The following EYA2 variants were observed in gnomAD, a reference collection of about 807,000 sequenced individuals.
The protein encoded by EYA2 is EYA transcriptional coactivator and phosphatase 2.
In EYA2, 31 loss-of-function variants were observed where a neutral mutation model predicts 69.2. The observed-to-expected ratio is 0.45, with a 90% CI of 0.34 to 0.60. The LOEUF is 0.60. EYA2 is among the 20% of genes least tolerant of loss of function. The probability of loss-of-function intolerance (pLI) is 0.02; values close to 1 mark genes in which losing one functional copy is unlikely to be tolerated. For synonymous variants in EYA2, 257 were observed against 279.4 expected, an observed-to-expected ratio of 0.92 and a Z score of 0.80; for missense variants, 622 against 701.2, an observed-to-expected ratio of 0.89 and a Z score of 1.28.
chr20:46,949,276 T>C (rs1235053378), intron 1 of EYA2, among the ~76,000 whole-genome samples: 1 of 152,246 alleles, frequency 6.6e-6, no homozygotes, highest in Non-Finnish European at 1.5e-5. Flanking sequence ...AAAACATACA[T>C]GAGCCGGTTC....
chr20:47,028,583 A>G (rs1413716012), intron 5 of EYA2, among the ~76,000 whole-genome samples: 2 of 152,250 alleles, frequency 1.3e-5, no homozygotes, highest in Non-Finnish European at 2.9e-5. Flanking sequence ...CCAGGTGCTG[A>G]GAAAGCAGAG....
intron 5 of EYA2, among the ~76,000 whole-genome samples, chr20:47,047,678 C>T (rs1006967429): frequency 9.9e-5 from 15 of 152,152 alleles, no homozygotes; most frequent in Non-Finnish European, 1.8e-4. Context: ...TGAGCCACCG[C>T]GCCCAGCCTG....
chr20:46,967,816 A>G (rs1270165520), intron 1 of EYA2, among the ~76,000 whole-genome samples: 3 of 152,172 alleles, frequency 2.0e-5, no homozygotes, highest in Non-Finnish European at 4.4e-5. Flanking sequence ...TTGCAGTTAC[A>G]TCACAGATCG....
chr20:47,137,168 G>T (rs2033496730), intron 9 of EYA2, among the ~76,000 whole-genome samples: 1 of 151,972 alleles, frequency 6.6e-6, no homozygotes, highest in Non-Finnish European at 1.5e-5. Flanking sequence ...TTATGCTGTT[G>T]CTTGTTTAGG....
intron 1 of EYA2, among the ~76,000 whole-genome samples, chr20:46,900,351 C>A (rs1984034820): frequency 6.6e-6 from 1 of 152,158 alleles, no homozygotes; most frequent in South Asian, 2.1e-4. Context: ...CTATTCATCT[C>A]CCAAGAATGG....
chr20:47,007,441 C>T (rs577921016), intron 4 of EYA2, among the ~76,000 whole-genome samples: 1 of 152,196 alleles, frequency 6.6e-6, no homozygotes, highest in South Asian at 2.1e-4. Flanking sequence ...CTTGGCAATT[C>T]TGAGAAGACT....
At chr20:46,996,217 T>C (rs1204405493) in intron 2 of EYA2, among the ~76,000 whole-genome samples, 3 of 152,254 alleles carry the variant, frequency 2.0e-5, no homozygotes, top group Non-Finnish European at 2.9e-5. Context: ...GCACTCAGTA[T>C]GCACAGACTG....
At chr20:47,085,733 GAAA>G (rs780023980) in intron 7 of EYA2, among the ~76,000 whole-genome samples, 5 of 151,968 alleles carry the variant, frequency 3.3e-5, no homozygotes, top group African/African-American at 4.8e-5. Context: ...AAACAAGCCA[GAAA>G]AAAGAATACA....
At position 46,960,717 on chromosome 20, in the gene EYA2, A is replaced by G. The variant is rs150640650; in HGVS notation, c.-10-29284A>G. 1.7e-3 allele frequency among the ~76,000 whole-genome samples: 264 copies of G among 152,316 alleles called. 2 individuals carry two copies. The highest frequency in any genetic ancestry group is 3.2e-3 in the Non-Finnish European group (215 of 68,030). ...TATATGCAGCTGCTTTCACAGTTCA[A>G]TCGCAAAGTTCGGTAGTTCAGCAGA... is the stretch of plus-strand genomic sequence containing the variant. On this transcript the variant is annotated intron_variant, in intron 1 of 15. Transcript: ENST00000327619.
intron 9 of EYA2, among the ~76,000 whole-genome samples, chr20:47,133,720 C>G (rs2033395510): frequency 6.6e-6 from 1 of 152,148 alleles, no homozygotes; most frequent in Non-Finnish European, 1.5e-5. Context: ...GAGTCCTCTC[C>G]CAGGGGAGCA....
chr20:47,064,727 G>T (rs914307870), intron 5 of EYA2, among the ~76,000 whole-genome samples: 3 of 152,178 alleles, frequency 2.0e-5, no homozygotes, highest in Non-Finnish European at 2.9e-5. Flanking sequence ...AGACACTCGT[G>T]TTGGGTCATG....
At position 47,001,442 on chromosome 20, in the gene EYA2, G is replaced by C. The variant is rs145832732; in HGVS notation, c.124G>C (p.Ala42Pro). 6.2e-7 allele frequency: 1 copy of C among 1,613,992 alleles called. No individual in the cohort carries two copies. Among genetic ancestry groups the C allele is most frequent in the Middle Eastern group, 1.6e-4 (1 of 6,062 alleles). ...TTCTCCTGCAGGCATCACCAAATCG[G>C]CCCCCCTGAGAGTGTCCCAGCTCTT... ...LSDRQGITKS[A>P]PLRVSQLFSR... is the part of the protein sequence containing the mutation. Residue 42 changes from alanine (A) to proline (P), a missense_variant, in exon 3 of 16, where the codon GCC (alanine) becomes CCC (proline). By Grantham distance (27) the Ala-to-Pro change is conservative. Transcript: ENST00000327619.
intron 3 of EYA2, among the ~76,000 whole-genome samples, chr20:47,003,538 G>A (rs908980638): frequency 6.6e-6 from 1 of 152,262 alleles, no homozygotes; most frequent in Admixed American, 6.5e-5. Flanking sequence ...AAGACAAAGC[G>A]AGTGTGTTTA....
intron 1 of EYA2, among the ~76,000 whole-genome samples, chr20:46,954,773 G>A (rs1979016763): frequency 6.6e-6 from 1 of 152,158 alleles, no homozygotes; most frequent in Admixed American, 6.5e-5. Flanking sequence ...TGTCAACCCT[G>A]AGCTGCGTCC....
chr20:47,061,616 C>T (rs940936587), intron 5 of EYA2, among the ~76,000 whole-genome samples: 21 of 152,292 alleles, frequency 1.4e-4, no homozygotes, highest in Non-Finnish European at 2.2e-4. Context: ...GGTTCACCAA[C>T]GGCAGCCAGT....
At chr20:47,119,491 G>C (rs1275017551) in intron 9 of EYA2, among the ~76,000 whole-genome samples, 2 of 152,220 alleles carry the variant, frequency 1.3e-5, no homozygotes, top group Non-Finnish European at 2.9e-5. Flanking sequence ...ATATGATTCA[G>C]CTATGAAAAG....
At chr20:47,076,591 G>A (rs1298034133) in intron 7 of EYA2, among the ~76,000 whole-genome samples, 1 of 152,092 alleles carries the variant, frequency 6.6e-6, no homozygotes, top group Non-Finnish European at 1.5e-5. Context: ...AATAGTTTTA[G>A]GAAACCCTTT....
At chr20:47,075,340 A>G (rs999738866) in intron 7 of EYA2, among the ~76,000 whole-genome samples, 3 of 152,222 alleles carry the variant, frequency 2.0e-5, no homozygotes, top group African/African-American at 7.2e-5. Flanking sequence ...TGTGATAAGG[A>G]GAGGCATAAT....
intron 1 of EYA2, among the ~76,000 whole-genome samples, chr20:46,957,571 A>ACG (rs1979209493): frequency 7.1e-6 from 1 of 141,518 alleles, no homozygotes. Flanking sequence ...ACACACACAC[A>ACG]CACACACGAA....
Sources: gnomAD v4.1 joint callset for allele counts (sites outside exome capture counted in the v4.1 genomes callset) on GRCh38, gnomAD v4.1.1 for gene constraint, MANE v1.5 for transcripts, NCBI Gene and HGNC (gene_info 2026-07-23, HGNC 2026-07-21) for gene names.